ATG10: variants seen among roughly 807,000 people sequenced by gnomAD.
ATG10 encodes ubiquitin-like-conjugating enzyme ATG10.
ATG10 carries 30 observed loss-of-function variants against 32.1 expected under a neutral mutation model. That is an observed-to-expected ratio of 0.94 (90% CI 0.70 to 1.27). The LOEUF is 1.27. ATG10 is among the 50% of genes most tolerant of loss of function. The pLI is 0.00. For missense variants in ATG10, 233 were observed against 262.3 expected (o/e 0.89, Z 0.77); for synonymous variants, 87 against 91.5 (o/e 0.95, Z 0.28).
At chr5:81,993,107 A>T (rs1031700984) in intron 2 of ATG10, among the ~76,000 whole-genome samples, 1 of 152,212 alleles carries the variant, frequency 6.6e-6, no homozygotes, top group Non-Finnish European at 1.5e-5. Context: ...TCACAGTCAG[A>T]CAGATCCAGG....
At chr5:82,084,570 G>C (rs1396686840) in intron 3 of ATG10, among the ~76,000 whole-genome samples, 5 of 152,134 alleles carry the variant, frequency 3.3e-5, no homozygotes, top group Non-Finnish European at 5.9e-5. Context: ...AAATGTTAAG[G>C]GCAGCCAGAG....
chr5:82,052,027 C>A (rs974443814), intron 2 of ATG10, among the ~76,000 whole-genome samples: 1 of 152,134 alleles, frequency 6.6e-6, no homozygotes, highest in African/African-American at 2.4e-5. Flanking sequence ...GCTCCACTGA[C>A]CTTGAAGGCC....
chr5:82,042,971 G>C (rs998715594), intron 2 of ATG10, among the ~76,000 whole-genome samples: 2 of 152,146 alleles, frequency 1.3e-5, no homozygotes, highest in Non-Finnish European at 2.9e-5. Context: ...GAGGACAGTG[G>C]CCCTTTTCTC....
intron 2 of ATG10, among the ~76,000 whole-genome samples, chr5:82,040,303 C>T (rs1302736681): frequency 6.6e-6 from 1 of 152,142 alleles, no homozygotes; most frequent in Non-Finnish European, 1.5e-5. Flanking sequence ...TGAAATACAG[C>T]TTTTGATACA....
chr5:82,094,401 A>G lies in ATG10; in HGVS notation c.216+35799A>G, dbSNP rs1764986490. ...GCAAGTGATATTTGCATTTTACCAT[A>G]TTACTAATAAATAACAAATAATAAT... On this transcript the variant is annotated intron_variant, in intron 3 of 7. Transcript: ENST00000282185. Among the ~76,000 whole-genome samples the G allele has an allele frequency of 2.0e-5, 3 of 152,244 alleles. No homozygotes were observed. In the South Asian group the frequency reaches 6.2e-4, roughly 32 times the overall value.
At chr5:82,214,976 T>C (rs1284506006) in intron 5 of ATG10, among the ~76,000 whole-genome samples, 1 of 152,230 alleles carries the variant, frequency 6.6e-6, no homozygotes, top group Non-Finnish European at 1.5e-5. Flanking sequence ...GATGAAGACA[T>C]GTATTTCAGA....
chr5:82,089,555 A>G (rs1031796160), intron 3 of ATG10, among the ~76,000 whole-genome samples: 1 of 152,330 alleles, frequency 6.6e-6, no homozygotes, highest in Non-Finnish European at 1.5e-5. Context: ...CAAAGAAACA[A>G]ACATACCCTG....
At chr5:82,085,044 A>G (rs1261321418) in intron 3 of ATG10, among the ~76,000 whole-genome samples, 26 of 152,316 alleles carry the variant, frequency 1.7e-4, no homozygotes, top group Admixed American at 1.4e-3. Flanking sequence ...GGCAAATTGG[A>G]TAAAGAATCA....
chr5:82,096,208 G>A (rs1013024849), intron 3 of ATG10, among the ~76,000 whole-genome samples: 1 of 152,194 alleles, frequency 6.6e-6, no homozygotes, highest in Non-Finnish European at 1.5e-5. Flanking sequence ...ATGCACTGCT[G>A]TGAGAAAAGC....
chr5:81,991,752 A>G (rs1055814590), intron 2 of ATG10, among the ~76,000 whole-genome samples: 1 of 151,724 alleles, frequency 6.6e-6, no homozygotes, highest in Non-Finnish European at 1.5e-5. Flanking sequence ...CCAAGATCAT[A>G]CTATTGCACT....
chr5:82,079,196 A>T (rs1764382236), intron 3 of ATG10, among the ~76,000 whole-genome samples: 1 of 152,084 alleles, frequency 6.6e-6, no homozygotes, highest in South Asian at 2.1e-4. Context: ...GTCCATTTTC[A>T]TGCTGCTGAT....
At chr5:82,174,364 C>T (rs1743927726) in intron 4 of ATG10, among the ~76,000 whole-genome samples, 1 of 152,130 alleles carries the variant, frequency 6.6e-6, no homozygotes, top group Non-Finnish European at 1.5e-5. Context: ...TTTGCAGAGA[C>T]ACAGAGGAAA....
At chr5:82,027,833 C>T (rs1762637896) in intron 2 of ATG10, among the ~76,000 whole-genome samples, 1 of 151,944 alleles carries the variant, frequency 6.6e-6, no homozygotes, top group South Asian at 2.1e-4. Flanking sequence ...TTTTTTTCCT[C>T]AGCCTAAATG....
At chr5:82,000,450 C>T (rs1394095466) in intron 2 of ATG10, among the ~76,000 whole-genome samples, 1 of 152,102 alleles carries the variant, frequency 6.6e-6, no homozygotes, top group Non-Finnish European at 1.5e-5. Context: ...GAACATAGTA[C>T]TGGAAGTCCT....
chr5:82,166,671 C>T (rs1581761966), intron 4 of ATG10, among the ~76,000 whole-genome samples: 1 of 151,908 alleles, frequency 6.6e-6, no homozygotes, highest in Admixed American at 6.6e-5. Context: ...TACTCTGGCC[C>T]TTCATCTGTT....
At chr5:82,022,409 G>T (rs1357252361) in intron 2 of ATG10, among the ~76,000 whole-genome samples, 1 of 147,132 alleles carries the variant, frequency 6.8e-6, no homozygotes, top group Non-Finnish European at 1.5e-5. Flanking sequence ...GCTCACTGCA[G>T]CCTCCACCTC....
chr5:82,138,473 A>G (rs189288734), intron 3 of ATG10, among the ~76,000 whole-genome samples: 89 of 152,264 alleles, frequency 5.8e-4, no homozygotes, highest in Non-Finnish European at 1.1e-3. Context: ...TTCCTTGGCT[A>G]GGGGAGTGAG....
At chr5:82,246,416 C>CG (rs1561377250) in intron 5 of ATG10, among the ~76,000 whole-genome samples, 1 of 151,024 alleles carries the variant, frequency 6.6e-6, no homozygotes, top group Non-Finnish European at 1.5e-5. Flanking sequence ...GGGCCAGGTA[C>CG]GGGGGCTTAT....
chr5:81,991,136 A>G (rs1403541579), intron 2 of ATG10, among the ~76,000 whole-genome samples: 1 of 152,188 alleles, frequency 6.6e-6, no homozygotes, highest in Non-Finnish European at 1.5e-5. Flanking sequence ...TGGGCATATT[A>G]GTATTTTTGC....
Sources: allele counts gnomAD v4.1 joint callset (sites outside exome capture counted in the v4.1 genomes callset), GRCh38; gene constraint gnomAD v4.1.1; transcripts MANE v1.5; gene names NCBI Gene and HGNC (gene_info 2026-07-23, HGNC 2026-07-21).